The following AXIN2 variants were observed in gnomAD, a reference collection of about 807,000 sequenced individuals.
AXIN2 encodes axin-2.
A neutral mutation model predicts 74.7 loss-of-function variants in AXIN2; 21 were observed. The ratio of observed to expected loss-of-function variants is 0.28; its 90% confidence interval spans 0.20 to 0.40. The LOEUF (loss-of-function observed/expected upper bound fraction) is 0.40, where lower values mean the gene tolerates loss of function less well. Ranked by LOEUF, AXIN2 falls within the 10% of genes least tolerant of loss-of-function variation. The pLI is 1.00. For synonymous variants in AXIN2, 532 were observed against 454.9 expected, an observed-to-expected ratio of 1.17 and a Z score of -2.16; for missense variants, 1,144 against 1,111.1, an observed-to-expected ratio of 1.03 and a Z score of -0.42.
intron 1 of AXIN2, among the ~76,000 whole-genome samples, chr17:65,559,029 C>A (rs12949046): frequency 6.6e-6 from 1 of 151,810 alleles, no homozygotes; most frequent in East Asian, 1.9e-4. Flanking sequence ...CAGGGGGACA[C>A]TGGAGGTGTA....
intron 3 of AXIN2, among the ~76,000 whole-genome samples, chr17:65,546,985 C>CACTA (rs915873953): frequency 1.3e-5 from 2 of 152,120 alleles, no homozygotes; most frequent in African/African-American, 4.8e-5. Context: ...CTGAACTACA[C>CACTA]ACTAACCCTT....
chr17:65,533,884 G>A lies in AXIN2; in HGVS notation c.2405+28C>T, dbSNP rs375515816. ...TCTTGGTTCTGAGCAAACAAACTGA[G>A]AGCAGAAAAAAGCCACAGGACTCTT... On this transcript the variant is annotated intron_variant, in intron 10 of 10. Coordinates refer to ENST00000307078, the MANE Select transcript of AXIN2 (RefSeq NM_004655.4). 3 of 1,577,470 alleles carry A rather than the reference G, an allele frequency of 1.9e-6. 1 individual carries two copies. Among genetic ancestry groups the A allele is most frequent in the Non-Finnish European group, 2.6e-6 (3 of 1,156,892 alleles).
chr17:65,550,489 G>A (rs141256656), intron 2 of AXIN2, among the ~76,000 whole-genome samples: 1 of 152,270 alleles, frequency 6.6e-6, no homozygotes, highest in Non-Finnish European at 1.5e-5. Context: ...CTCCTGCTGG[G>A]CCGCATTCCT....
intron 2 of AXIN2, among the ~76,000 whole-genome samples, chr17:65,555,969 A>G (rs150569248): frequency 1.3e-3 from 196 of 152,208 alleles, no homozygotes; most frequent in African/African-American, 4.5e-3. Context: ...GTCAATGACA[A>G]GCTGTCACCT....
rs755206242 is a variant in AXIN2 at position 65,557,882 on chromosome 17, C to A, written c.739G>T (p.Val247Leu). The A allele has an allele frequency of 1.2e-6, 2 of 1,614,058 alleles. No individual in the cohort carries two copies. The highest frequency in any genetic ancestry group is 1.3e-5 in the African/African-American group (1 of 74,910). The change falls in exon 2 of 11, where the codon GTG (valine) becomes TTG (leucine). Residue 247 changes from valine (V) to leucine (L), a missense_variant. By Grantham distance (32) the Val-to-Leu change is conservative (BLOSUM62 1). This residue lies in a region of AXIN2 where 1,053 missense variants were observed against 973.5 expected (regional missense o/e 1.08). Transcript: ENST00000307078. ...ADFKCKLSPTVVGLSSKTLRA... is the reference protein window; with the variant it reads ...ADFKCKLSPTLVGLSSKTLRA... ...AGAGTTTTGCTGGACAAGCCAACCA[C>A]GGTTGGCGAAAGTTTGCACTTGAAG...
intron 5 of AXIN2, 168 bp from the exon 6 acceptor site, chr17:65,538,003 C>A: frequency 7.7e-7 from 1 of 1,296,842 alleles, no homozygotes; most frequent in Non-Finnish European, 1.1e-6. Context: ...CACATATCCA[C>A]ACGCATATGC....
Position 65,558,409 on chromosome 17 carries a change from G to C in AXIN2, c.212C>G (p.Pro71Arg). The C allele has an allele frequency of 1.9e-6, 3 of 1,603,072 alleles. No individual in the cohort carries two copies. Among genetic ancestry groups the C allele is most frequent in the Non-Finnish European group, 2.6e-6 (3 of 1,172,640 alleles). Reference protein sequence around the residue: ...GLGEPEGRASPDSPLTRWTKS... With the variant: ...GLGEPEGRASRDSPLTRWTKS... ...GGTCCACCGGGTCAGAGGGGAATCC[G>C]GAGATGCCCGCCCCTCCGGCTCCCC... The change falls in exon 2 of 11, where the codon CCG becomes CGG. Residue 71 changes from proline to arginine, a missense_variant. This residue lies in a region of AXIN2 where 1,053 missense variants were observed against 973.5 expected (regional missense o/e 1.08). Transcript: ENST00000307078.
intron 2 of AXIN2, among the ~76,000 whole-genome samples, chr17:65,553,471 A>G (rs1358419438): frequency 6.6e-6 from 1 of 152,152 alleles, no homozygotes; most frequent in Non-Finnish European, 1.5e-5. Flanking sequence ...CTGTGGGGAG[A>G]AAATGACTCA....
At chr17:65,530,600 TC>T (rs2043800283) in intron 10 of AXIN2, among the ~76,000 whole-genome samples, 1 of 152,192 alleles carries the variant, frequency 6.6e-6, no homozygotes, top group African/African-American at 2.4e-5. Flanking sequence ...AAGGCTGACT[TC>T]CAGATGGTTT....
In AXIN2 at chr17:65,537,772, G is replaced by C. The variant is rs878854718; in HGVS notation, c.1264C>G (p.Pro422Ala). The C allele has an allele frequency of 6.3e-7, 1 of 1,586,564 alleles. No individual in the cohort carries two copies. Among genetic ancestry groups the C allele is most frequent in the African/African-American group, 1.3e-5 (1 of 74,472 alleles). Residue 422 changes from proline (P) to alanine (A), a missense_variant, in exon 6 of 11, where the codon CCC becomes GCC. Physicochemically the swap from Pro to Ala is conservative, Grantham distance 27 (BLOSUM62 -1). Around this residue, in one of 4 missense-constraint regions of AXIN2, gnomAD observed 1,053 missense variants for 973.5 expected, o/e 1.08. Transcript: ENST00000307078. ...CTGCCGGAGGGCAGTAGGGAGAGGG[G>C]GTGCTGCGTGGGCGCCCCCTCCCGC... Reference protein sequence around the residue: ...NSREGAPTQHPLSLLPSGSYE... With the variant: ...NSREGAPTQHALSLLPSGSYE...
At chr17:65,547,149 G>T (rs1245801497) in intron 3 of AXIN2, among the ~76,000 whole-genome samples, 1 of 152,204 alleles carries the variant, frequency 6.6e-6, no homozygotes, top group Non-Finnish European at 1.5e-5. Flanking sequence ...CTGGGAAGGG[G>T]ATAAAAGAAG....
At chr17:65,541,131 G>A (rs947030532) in intron 4 of AXIN2, among the ~76,000 whole-genome samples, 5 of 152,078 alleles carry the variant, frequency 3.3e-5, no homozygotes, top group Non-Finnish European at 5.9e-5. Context: ...GCCCACCTCC[G>A]ACTCCCAAAG....
chr17:65,559,530 C>G (rs1188352060), intron 1 of AXIN2: 1 of 151,908 alleles, frequency 6.6e-6, no homozygotes, highest in Non-Finnish European at 1.5e-5. Context: ...GGGAGACTTT[C>G]ATCTTCAAAC....
At chr17:65,543,201 G>A (rs1430783747) in intron 3 of AXIN2, among the ~76,000 whole-genome samples, 1 of 152,202 alleles carries the variant, frequency 6.6e-6, no homozygotes, top group Admixed American at 6.5e-5. Flanking sequence ...CTGCCCCAAA[G>A]AAAGGTAAGT....
Position 65,537,577 on chromosome 17 carries a change from G to A in AXIN2, c.1459C>T (p.Leu487=), listed in dbSNP as rs754204017. 3.1e-6 allele frequency: 5 copies of A among 1,609,386 alleles called. No homozygotes were observed. The South Asian group carries it at 4.4e-5, about 14-fold the overall frequency. ...CCCGGCGAGGCGGCCGCGGGAGGCA[G>A]CTTGCCACCGGGCGGGAGCAGGGAG... ...YHSLLPPGGK[L]PPAAASPGAC... is the part of the protein sequence containing the mutation. Residue 487 remains leucine, a synonymous_variant, in exon 6 of 11, where the codon CTG becomes TTG. Transcript: ENST00000307078.
rs184236995 is a variant in AXIN2, at chr17:65,561,293, G to T, written c.-117+157C>A. 19,493 of 141,768 alleles carry T rather than the reference G, an allele frequency of 0.14. 1,366 individuals are homozygous for T. The highest frequency in any genetic ancestry group is 0.25 in the Middle Eastern group (65 of 264). The allele number at this position is 141,768 out of a possible 1,614,324, so 8.8% of individuals were successfully genotyped here. A position where few individuals can be genotyped will look rare whatever the true frequency, so the allele number is the denominator to read the frequency against. On this transcript the variant is annotated intron_variant, in intron 1 of 10. Coordinates refer to ENST00000307078, the MANE Select transcript of AXIN2 (RefSeq NM_004655.4). ...CCGCAGCCCCGCCACCGCTCCGCAG[G>T]GCCGCCCCGCCCGCGCCCCCCTCCA... is the stretch of plus-strand genomic sequence containing the variant.
Position 65,534,053 on chromosome 17 carries a change from C to T in AXIN2, c.2264G>A (p.Gly755Asp). 6.2e-7 allele frequency: 1 copy of T among 1,614,250 alleles called. No individual in the cohort carries two copies. Among genetic ancestry groups the T allele is most frequent in the Non-Finnish European group, 8.5e-7 (1 of 1,180,058 alleles). ...EDHKEPKKLA[G>D]VHALQASELV... is the part of the protein sequence containing the mutation. ...CTCACTGGCCTGGAGCGCGTGGACACCTGCCAGTTTCTTTGGCTCTTTGTG... is the reference window on the plus strand; with the variant it reads ...CTCACTGGCCTGGAGCGCGTGGACATCTGCCAGTTTCTTTGGCTCTTTGTG... The change falls in exon 10 of 11, where the codon GGT becomes GAT. Residue 755 changes from glycine to aspartate, a missense_variant. By Grantham distance (94) the Gly-to-Asp change is moderately conservative. This residue lies in a region of AXIN2 where 1,053 missense variants were observed against 973.5 expected (regional missense o/e 1.08). Coordinates refer to ENST00000307078, the MANE Select transcript of AXIN2 (RefSeq NM_004655.4).
rs1555577386 is a variant in AXIN2 at position 65,536,929 on chromosome 17, G to A, written c.1847C>T (p.Ser616Leu). Residue 616 changes from serine (S) to leucine (L), a missense_variant, in exon 7 of 11, where the codon TCG (serine) becomes TTG (leucine). Coordinates refer to ENST00000307078, the MANE Select transcript of AXIN2 (RefSeq NM_004655.4). ...CAGCATCCACTGCCAGACATCCTGC[G>A]ACCTGTCTCCTTCCTCCCGGGGAAG... ...LQLPREEGDR[S>L]QDVWQWMLES... 3.1e-6 allele frequency: 5 copies of A among 1,613,608 alleles called. No individual in the cohort carries two copies. Among genetic ancestry groups the A allele is most frequent in the South Asian group, 2.2e-5 (2 of 91,064 alleles).
At chr17:65,550,492 G>A (rs897979561) in intron 2 of AXIN2, among the ~76,000 whole-genome samples, 6 of 152,132 alleles carry the variant, frequency 3.9e-5, no homozygotes, top group South Asian at 2.1e-4. Flanking sequence ...CTGCTGGGCC[G>A]CATTCCTCTT....
Sources: allele counts gnomAD v4.1 joint callset (sites outside exome capture counted in the v4.1 genomes callset), GRCh38; gene constraint gnomAD v4.1.1; regional missense constraint gnomAD v4.1.1; transcripts MANE v1.5; gene names NCBI Gene and HGNC (gene_info 2026-07-23, HGNC 2026-07-21).